The following CDK19 variants were observed in gnomAD, a reference collection of about 807,000 sequenced individuals.
CDK19 encodes cyclin dependent kinase 19.
A neutral mutation model predicts 68.3 loss-of-function variants in CDK19; 20 were observed. That is an observed-to-expected ratio of 0.29 (90% CI 0.21 to 0.43). The LOEUF is 0.43. Among genes scored for constraint, CDK19 ranks in the 20% least tolerant of loss-of-function variants. The pLI, the probability that CDK19 is intolerant of heterozygous loss-of-function variation, is 1.00. For synonymous variants in CDK19, 221 were observed against 222.8 expected (o/e 0.99, Z 0.07); for missense variants, 339 against 623.5 (o/e 0.54, Z 4.86).
chr6:110,802,549 G>T (rs1782415461), intron 1 of CDK19, among the ~76,000 whole-genome samples: 1 of 152,266 alleles, frequency 6.6e-6, no homozygotes, highest in Admixed American at 6.5e-5. Context: ...GAGGAAAAAG[G>T]GTTGAAAAGC....
intron 4 of CDK19, among the ~76,000 whole-genome samples, chr6:110,660,730 T>G (rs1439948869): frequency 6.6e-6 from 1 of 152,232 alleles, no homozygotes; most frequent in East Asian, 1.9e-4. Flanking sequence ...ATCTCCAATA[T>G]GCAACCAGTC....
At chr6:110,792,966 T>C (rs1394771935) in intron 1 of CDK19, among the ~76,000 whole-genome samples, 1 of 152,112 alleles carries the variant, frequency 6.6e-6, no homozygotes, top group Non-Finnish European at 1.5e-5. Context: ...ATCCAACAGA[T>C]CTTACAGATG....
intron 2 of CDK19, among the ~76,000 whole-genome samples, chr6:110,687,018 G>A (rs1772549534): frequency 6.6e-6 from 1 of 151,806 alleles, no homozygotes; most frequent in Admixed American, 6.6e-5. Flanking sequence ...GGGAAACATG[G>A]GTGAGACCTC....
rs1780569959 is a variant in CDK19, at chr6:110,646,300, T to C, written c.457-7594A>G. On this transcript the variant is annotated intron_variant, in intron 4 of 12. Coordinates refer to ENST00000368911, the MANE Select transcript of CDK19 (RefSeq NM_015076.5). Reference sequence around the variant, plus strand: ...CCCGCCAACATGTGCAAGCACAAGGTGCTCAGCGACTACCTGCGCGAACGG... The same window carrying C: ...CCCGCCAACATGTGCAAGCACAAGGCGCTCAGCGACTACCTGCGCGAACGG... The C allele has an allele frequency of 2.0e-6, 3 of 1,501,344 alleles. No homozygotes were observed. The South Asian group carries it at 3.8e-5, about 19-fold the overall frequency. The allele number at this position is 1,501,344 out of a possible 1,614,324, so 93.0% of individuals were successfully genotyped here.
At chr6:110,814,872 T>C (rs1432638823) in intron 1 of CDK19, 137 bp downstream of exon 1, 1 of 1,152,948 alleles carries the variant, frequency 8.7e-7, no homozygotes, top group East Asian at 2.8e-5. Context: ...TCGGAGTCGG[T>C]GTCCGGACGC....
intron 2 of CDK19, among the ~76,000 whole-genome samples, chr6:110,742,899 G>A (rs899186266): frequency 2.6e-5 from 4 of 152,030 alleles, no homozygotes; most frequent in Admixed American, 1.3e-4. Flanking sequence ...ATTGCCCTTT[G>A]AAGCATGTGA....
At chr6:110,654,584 A>C (rs1196387010) in intron 4 of CDK19, among the ~76,000 whole-genome samples, 3 of 152,190 alleles carry the variant, frequency 2.0e-5, no homozygotes, top group Non-Finnish European at 4.4e-5. Context: ...AGTGGTTTGT[A>C]CTCATAATCC....
intron 1 of CDK19, among the ~76,000 whole-genome samples, chr6:110,802,569 G>A (rs544357923): frequency 6.6e-6 from 1 of 152,122 alleles, no homozygotes; most frequent in Non-Finnish European, 1.5e-5. Flanking sequence ...CTGCCTACTG[G>A]GTACTATGTT....
chr6:110,712,661 C>T (rs565720668), intron 2 of CDK19, among the ~76,000 whole-genome samples: 18 of 152,058 alleles, frequency 1.2e-4, no homozygotes, highest in Non-Finnish European at 2.2e-4. Flanking sequence ...GATGCTGAAA[C>T]GTAAAAAGAT....
intron 2 of CDK19, among the ~76,000 whole-genome samples, chr6:110,711,876 G>A (rs888118573): frequency 6.6e-6 from 1 of 152,256 alleles, no homozygotes; most frequent in African/African-American, 2.4e-5. Flanking sequence ...GCTGAGGCAG[G>A]AGAATTGCCT....
chr6:110,691,942 G>A (rs111321345), intron 2 of CDK19, among the ~76,000 whole-genome samples: 7,182 of 150,314 alleles, frequency 0.048, 180 homozygotes, highest in Middle Eastern at 0.077. Flanking sequence ...CACTGTGCCC[G>A]GCCCCCCATC....
chr6:110,789,490 G>T (rs1281287229), intron 1 of CDK19, among the ~76,000 whole-genome samples: 1 of 152,136 alleles, frequency 6.6e-6, no homozygotes, highest in African/African-American at 2.4e-5. Context: ...TGTTGGCCAG[G>T]ATGGTCTCAA....
chr6:110,752,063 A>G (rs1253123029), intron 1 of CDK19, among the ~76,000 whole-genome samples: 1 of 152,156 alleles, frequency 6.6e-6, no homozygotes, highest in African/African-American at 2.4e-5. Context: ...ATAACAAAAA[A>G]AAAAAGATCA....
rs1193482663 is a variant in CDK19 at position 110,815,217 on chromosome 6, C to A, written c.-81G>T. 2 of 1,395,418 alleles carry A rather than the reference C, an allele frequency of 1.4e-6. No homozygotes were observed. The highest frequency in any genetic ancestry group is 1.9e-6 in the Non-Finnish European group (2 of 1,072,918). 86.4% of individuals were successfully genotyped at this position (1,395,418 alleles called of 1,614,324 possible). On this transcript the variant is annotated 5_prime_UTR_variant, in exon 1 of 13. Coordinates refer to ENST00000368911, the MANE Select transcript of CDK19 (RefSeq NM_015076.5). Reference sequence around the variant, plus strand: ...CCTCCTCCTCCCCCCGCGACCGCCGCTCCACTTCTCCAACAGCCGCCTCTC... The same window carrying A: ...CCTCCTCCTCCCCCCGCGACCGCCGATCCACTTCTCCAACAGCCGCCTCTC...
At chr6:110,629,607 G>A (rs1164838961) in intron 6 of CDK19, among the ~76,000 whole-genome samples, 2 of 152,150 alleles carry the variant, frequency 1.3e-5, no homozygotes, top group African/African-American at 4.8e-5. Context: ...ACCTGCCTTG[G>A]CCTCCCAAAG....
chr6:110,796,162 C>A (rs1174815626), intron 1 of CDK19, among the ~76,000 whole-genome samples: 1 of 152,030 alleles, frequency 6.6e-6, no homozygotes, highest in Non-Finnish European at 1.5e-5. Flanking sequence ...CATGGAGAAA[C>A]CCGGTCTCTA....
At chr6:110,735,037 A>G (rs542590666) in intron 2 of CDK19, among the ~76,000 whole-genome samples, 1 of 152,208 alleles carries the variant, frequency 6.6e-6, no homozygotes, top group East Asian at 1.9e-4. Context: ...TAAATCACAC[A>G]TGGTTATGGA....
chr6:110,780,282 C>T (rs1300743862), intron 1 of CDK19, among the ~76,000 whole-genome samples: 2 of 149,420 alleles, frequency 1.3e-5, no homozygotes, highest in Admixed American at 6.7e-5. Flanking sequence ...CCTAGCTGCT[C>T]GGGAGACTGA....
At chr6:110,805,372 C>G (rs993725066) in intron 1 of CDK19, among the ~76,000 whole-genome samples, 3 of 152,002 alleles carry the variant, frequency 2.0e-5, no homozygotes, top group Non-Finnish European at 4.4e-5. Context: ...AGTTTTTAAA[C>G]ATCCAAATAC....
Sources: allele counts gnomAD v4.1 joint callset (sites outside exome capture counted in the v4.1 genomes callset), GRCh38; gene constraint gnomAD v4.1.1; transcripts MANE v1.5; gene names NCBI Gene and HGNC (gene_info 2026-07-23, HGNC 2026-07-21).